The following IMMP2L variants were observed in gnomAD, a reference collection of about 807,000 sequenced individuals.
The protein encoded by IMMP2L is mitochondrial inner membrane protease subunit 2.
IMMP2L carries 18 observed loss-of-function variants against 19.3 expected under a neutral mutation model. That is an observed-to-expected ratio of 0.93 (90% CI 0.64 to 1.38). The LOEUF is 1.38. Among genes scored for constraint, IMMP2L ranks in the 40% most tolerant of loss-of-function variants. The pLI, the probability that IMMP2L is intolerant of heterozygous loss-of-function variation, is 0.00. For missense variants in IMMP2L, 233 were observed against 218.2 expected (o/e 1.07, Z -0.43); for synonymous variants, 76 against 73.0 (o/e 1.04, Z -0.21).
intron 3 of IMMP2L, among the ~76,000 whole-genome samples, chr7:111,020,871 T>A: frequency 6.6e-6 from 1 of 152,240 alleles, no homozygotes; most frequent in East Asian, 1.9e-4. Context: ...TGTCAGTTTT[T>A]GTTTCAAATA....
intron 3 of IMMP2L, among the ~76,000 whole-genome samples, chr7:111,294,967 T>C (rs557880862): frequency 2.0e-5 from 3 of 152,032 alleles, no homozygotes; most frequent in Admixed American, 2.0e-4. Context: ...ATGAAATCAT[T>C]ATGTAAATTT....
At chr7:111,487,091 C>T (rs575229102) in intron 3 of IMMP2L, 147 bp downstream of exon 3, 8 of 436,176 alleles carry the variant, frequency 1.8e-5, no homozygotes, top group Admixed American at 1.1e-4. Flanking sequence ...TGTTACACTG[C>T]AAAATTGATT....
intron 5 of IMMP2L, among the ~76,000 whole-genome samples, chr7:110,875,766 G>A (rs1251059173): frequency 6.6e-6 from 1 of 152,104 alleles, no homozygotes; most frequent in Non-Finnish European, 1.5e-5. Context: ...GGAGGTCTAA[G>A]TAAAACTTCA....
intron 1 of IMMP2L, among the ~76,000 whole-genome samples, chr7:111,554,622 A>T (rs557623812): frequency 1.1e-4 from 17 of 151,688 alleles, no homozygotes; most frequent in African/African-American, 3.6e-4. Context: ...TTATTTTATT[A>T]TTATTATTAT....
intron 3 of IMMP2L, among the ~76,000 whole-genome samples, chr7:111,480,609 A>C (rs957788946): frequency 2.0e-5 from 3 of 149,532 alleles, no homozygotes; most frequent in Admixed American, 6.6e-5. Context: ...AAAAAAAAAA[A>C]AAAAAAAAAA....
intron 3 of IMMP2L, among the ~76,000 whole-genome samples, chr7:111,340,887 C>T (rs1388522460): frequency 6.6e-6 from 1 of 151,880 alleles, no homozygotes; most frequent in Admixed American, 6.6e-5. Context: ...GCAAATCTAA[C>T]CTATGGAGAC....
chr7:110,674,905 A>T (rs2130377106), intron 5 of IMMP2L, among the ~76,000 whole-genome samples: 1 of 152,126 alleles, frequency 6.6e-6, no homozygotes, highest in South Asian at 2.1e-4. Context: ...TCTTCCTTAG[A>T]TCCCTGGATC....
intron 3 of IMMP2L, among the ~76,000 whole-genome samples, chr7:111,044,167 TAG>T (rs1187656360): frequency 6.6e-6 from 1 of 152,222 alleles, no homozygotes; most frequent in Non-Finnish European, 1.5e-5. Context: ...AAACATTATA[TAG>T]AGTCTCACCT....
intron 3 of IMMP2L, among the ~76,000 whole-genome samples, chr7:110,965,172 G>A (rs1465061034): frequency 6.6e-6 from 1 of 151,952 alleles, no homozygotes; most frequent in Non-Finnish European, 1.5e-5. Flanking sequence ...TTTAACAGAC[G>A]CATTTCAAGA....
intron 3 of IMMP2L, among the ~76,000 whole-genome samples, chr7:111,103,940 C>G (rs1353614728): frequency 6.6e-6 from 1 of 151,304 alleles, no homozygotes; most frequent in East Asian, 1.9e-4. Context: ...TACCAGAGAG[C>G]AAAATAAGGC....
chr7:111,535,870 T>C (rs1251640957), intron 1 of IMMP2L, among the ~76,000 whole-genome samples: 1 of 152,032 alleles, frequency 6.6e-6, no homozygotes, highest in Non-Finnish European at 1.5e-5. Flanking sequence ...TGAGTATATG[T>C]AGTACTCAAT....
At chr7:110,788,916 T>C (rs756800650) in intron 5 of IMMP2L, among the ~76,000 whole-genome samples, 56 of 151,776 alleles carry the variant, frequency 3.7e-4, no homozygotes, top group Non-Finnish European at 6.3e-4. Context: ...GGAAGTAAAG[T>C]TATGTGATGT....
intron 3 of IMMP2L, among the ~76,000 whole-genome samples, chr7:111,038,326 T>C (rs1434574281): frequency 6.6e-6 from 1 of 152,024 alleles, no homozygotes; most frequent in African/African-American, 2.4e-5. Context: ...GGAAGCACAG[T>C]GGAAAAGGAG....
intron 3 of IMMP2L, among the ~76,000 whole-genome samples, chr7:111,187,222 T>C (rs1315742627): frequency 6.6e-6 from 1 of 152,112 alleles, no homozygotes; most frequent in Non-Finnish European, 1.5e-5. Flanking sequence ...ATTAGGCCCT[T>C]CCCTTTCTGG....
At chr7:111,501,885 C>A (rs745744608) in intron 2 of IMMP2L, among the ~76,000 whole-genome samples, 2 of 152,082 alleles carry the variant, frequency 1.3e-5, no homozygotes. Flanking sequence ...AATGTAAAGA[C>A]CATCAAGGCT....
chr7:110,682,435 A>G (rs1041530703), intron 5 of IMMP2L, among the ~76,000 whole-genome samples: 9 of 152,186 alleles, frequency 5.9e-5, no homozygotes, highest in African/African-American at 2.2e-4. Context: ...TTCCAAATAC[A>G]TGATATAAAA....
intron 3 of IMMP2L, among the ~76,000 whole-genome samples, chr7:110,986,029 A>C (rs549568516): frequency 5.3e-5 from 8 of 152,302 alleles, no homozygotes; most frequent in Admixed American, 3.9e-4. Context: ...TACTAAGTGA[A>C]AGGCAATATC....
intron 3 of IMMP2L, among the ~76,000 whole-genome samples, chr7:111,387,216 G>C (rs1007004382): frequency 6.6e-6 from 1 of 152,084 alleles, no homozygotes; most frequent in Non-Finnish European, 1.5e-5. Context: ...AGAGTACTTT[G>C]AGGATGGTTA....
At chr7:111,495,827 A>G (rs1331992221) in intron 2 of IMMP2L, among the ~76,000 whole-genome samples, 1 of 152,158 alleles carries the variant, frequency 6.6e-6, no homozygotes. Flanking sequence ...TTCTTTGGGT[A>G]CAATGCTTTC....
Sources: allele counts gnomAD v4.1 joint callset (sites outside exome capture counted in the v4.1 genomes callset), GRCh38; gene constraint gnomAD v4.1.1; transcripts MANE v1.5; gene names NCBI Gene and HGNC (gene_info 2026-07-23, HGNC 2026-07-21).